Variants in PTPRJ observed in about 807,000 individuals in gnomAD.
PTPRJ encodes receptor-type tyrosine-protein phosphatase eta.
PTPRJ carries 129 observed loss-of-function variants against 141.3 expected under a neutral mutation model. The observed-to-expected ratio is 0.91, with a 90% confidence interval of 0.79 to 1.06. The LOEUF is 1.06. PTPRJ is among the 50% of genes least tolerant of loss of function. The probability of loss-of-function intolerance (pLI) is 0.00; values close to 1 mark genes in which losing one functional copy is unlikely to be tolerated. For missense variants in PTPRJ, 1,601 were observed against 1,679.7 expected (o/e 0.95, Z 0.82); for synonymous variants, 610 against 640.5 (o/e 0.95, Z 0.72).
chr11:48,109,723 C>T (rs995957094), intron 1 of PTPRJ, among the ~76,000 whole-genome samples: 3 of 145,754 alleles, frequency 2.1e-5, no homozygotes, highest in Non-Finnish European at 3.0e-5. Context: ...TTCAGCTCAT[C>T]GCACAGTGGG....
At chr11:48,156,190 T>A (rs1295130907) in intron 21 of PTPRJ, 71 bp downstream of exon 21, 1 of 1,316,878 alleles carries the variant, frequency 7.6e-7, no homozygotes, top group African/African-American at 1.5e-5. Flanking sequence ...GAAGGGTATC[T>A]TAAAAACCAT....
At chr11:48,165,865 CTT>C (rs145510713) in intron 24 of PTPRJ, among the ~76,000 whole-genome samples, 4 of 147,888 alleles carry the variant, frequency 2.7e-5, no homozygotes, top group Admixed American at 6.7e-5. Flanking sequence ...TTTCTCTCCT[CTT>C]TTTTTTTTTT....
rs869194701 is a variant in PTPRJ, at chr11:47,988,879, G to GTTTTTTT, written c.96+7891_96+7897dup. ...TCTGAAAGGTGAAAAATTGTATCTT[G>GTTTTTTT]TTTTTTTTTTTTTTTTTTTTTTTTT... is the stretch of plus-strand genomic sequence containing the variant. On this transcript the variant is annotated intron_variant, in intron 1 of 24. Transcript: ENST00000418331. Among the ~76,000 whole-genome samples, 211 of 76,338 alleles carry GTTTTTTT rather than the reference G, an allele frequency of 2.8e-3. 31 individuals carry two copies. The highest frequency in any genetic ancestry group is 0.013 in the African/African-American group (188 of 14,626). 50.1% of individuals were successfully genotyped at this position (76,338 alleles called of 152,430 possible). A position where few individuals can be genotyped will look rare whatever the true frequency, so the allele number is the denominator to read the frequency against.
chr11:48,106,233 G>C (rs1856284385), intron 1 of PTPRJ, among the ~76,000 whole-genome samples: 1 of 152,206 alleles, frequency 6.6e-6, no homozygotes, highest in Non-Finnish European at 1.5e-5. Flanking sequence ...AGGGGTTATA[G>C]GTCGAGTCAG....
intron 1 of PTPRJ, among the ~76,000 whole-genome samples, chr11:47,988,255 A>T (rs1854101697): frequency 6.6e-6 from 1 of 152,266 alleles, no homozygotes; most frequent in Non-Finnish European, 1.5e-5. Context: ...AGAGTATGTA[A>T]AAGGGAAGAA....
At chr11:48,063,371 C>G (rs950575440) in intron 1 of PTPRJ, among the ~76,000 whole-genome samples, 1 of 152,226 alleles carries the variant, frequency 6.6e-6, no homozygotes, top group Middle Eastern at 3.4e-3. Flanking sequence ...AGAAAAAACC[C>G]CTAACTTTGG....
rs576320498 is a variant in PTPRJ at position 48,170,587 on chromosome 11, A to T, written c.*3225A>T. ...GTTTTAAGTCCTGGGTTTTCAGACTACTGTGTAGCAGCTGTGTGTTTAACA... is the reference window on the plus strand; with the variant it reads ...GTTTTAAGTCCTGGGTTTTCAGACTTCTGTGTAGCAGCTGTGTGTTTAACA... On this transcript the variant is annotated 3_prime_UTR_variant, in exon 25 of 25. Transcript: ENST00000418331. The T allele has an allele frequency of 6.6e-6, 1 of 152,292 alleles. No individual in the cohort carries two copies. Among genetic ancestry groups the T allele is most frequent in the East Asian group, 1.9e-4 (1 of 5,176 alleles). The allele number at this position is 152,292 out of a possible 1,614,324, so 9.4% of individuals were successfully genotyped here.
intron 1 of PTPRJ, among the ~76,000 whole-genome samples, chr11:48,061,747 T>G (rs1207282430): frequency 6.6e-6 from 1 of 152,060 alleles, no homozygotes; most frequent in Non-Finnish European, 1.5e-5. Context: ...CAGGAGGACT[T>G]ATTATTGGGG....
chr11:48,079,754 C>G (rs1477765613), intron 1 of PTPRJ, among the ~76,000 whole-genome samples: 1 of 152,116 alleles, frequency 6.6e-6, no homozygotes, highest in Non-Finnish European at 1.5e-5. Context: ...CAGGCTTTCC[C>G]CCGCTTGCCT....
chr11:48,046,201 T>C (rs1854390432), intron 1 of PTPRJ: 1 of 152,000 alleles, frequency 6.6e-6, no homozygotes, highest in African/African-American at 2.4e-5. Flanking sequence ...TGTGTACCAC[T>C]ATGTCTGGCT....
rs1367235086 is a variant in PTPRJ, at chr11:47,980,567, C to T, written c.-346C>T. The T allele has an allele frequency of 3.1e-6, 3 of 982,942 alleles. No individual in the cohort carries two copies. Among genetic ancestry groups the T allele is most frequent in the Non-Finnish European group, 3.6e-6 (3 of 828,948 alleles). The allele number at this position is 982,942 out of a possible 1,614,324, so 60.9% of individuals were successfully genotyped here. A position where few individuals can be genotyped will look rare whatever the true frequency, so the allele number is the denominator to read the frequency against. On this transcript the variant is annotated 5_prime_UTR_variant, in exon 1 of 25. Coordinates refer to ENST00000418331, the MANE Select transcript of PTPRJ (RefSeq NM_002843.4). ...CCGCGGCTCCCTGCAGCAGCCCCAG[C>T]CGCATGACGCGCGGAGGAGGCAGCG... is the stretch of plus-strand genomic sequence containing the variant.
rs542889669 is a variant in PTPRJ at position 47,991,975 on chromosome 11, T to C, written c.96+10967T>C. The stretch of plus-strand genomic sequence containing the variant: ...AATTTACAATTCAAAAATTAAATTT[T>C]TTTAATCTTATACTGTAGTTTACAA... On this transcript the variant is annotated intron_variant, in intron 1 of 24. Transcript: ENST00000418331. Among the ~76,000 whole-genome samples the C allele has an allele frequency of 7.9e-5, 12 of 152,312 alleles. No individual in the cohort carries two copies. In the East Asian group the frequency reaches 2.3e-3, roughly 29 times the overall value.
In PTPRJ at chr11:48,130,655, A is replaced by G; in HGVS notation, c.1554A>G (p.Glu518=). ...TCCCTGGAACCAAGTATTGCTTTGAAATAGTTCCAAAAGGACCAAATGGGA... is the reference window on the plus strand; with the variant it reads ...TCCCTGGAACCAAGTATTGCTTTGAGATAGTTCCAAAAGGACCAAATGGGA... ...GLFPGTKYCF[E]IVPKGPNGTE... The change falls in exon 8 of 25, where the codon GAA becomes GAG. Residue 518 remains glutamate, a synonymous_variant. Transcript: ENST00000418331. 1 of 1,614,082 alleles carries G rather than the reference A, an allele frequency of 6.2e-7. No homozygotes were observed. The highest frequency in any genetic ancestry group is 8.5e-7 in the Non-Finnish European group (1 of 1,179,960).
At chr11:48,135,176 T>G (rs987334104) in intron 8 of PTPRJ, among the ~76,000 whole-genome samples, 1 of 147,028 alleles carries the variant, frequency 6.8e-6, no homozygotes, top group African/African-American at 2.5e-5. Context: ...AGGGCTTTTT[T>G]TTTTTTTTTT....
At chr11:48,053,378 A>T (rs1281340675) in intron 1 of PTPRJ, among the ~76,000 whole-genome samples, 21 of 101,120 alleles carry the variant, frequency 2.1e-4, no homozygotes, top group African/African-American at 7.2e-4. Flanking sequence ...AATATATATA[A>T]AATATATATA....
chr11:48,127,085 G>T (rs1856854157), intron 6 of PTPRJ, among the ~76,000 whole-genome samples: 1 of 152,126 alleles, frequency 6.6e-6, no homozygotes, highest in South Asian at 2.1e-4. Flanking sequence ...CCTTTCTCCT[G>T]TGGCCCTTCA....
At chr11:48,095,832 C>T (rs573403068) in intron 1 of PTPRJ, among the ~76,000 whole-genome samples, 1 of 152,298 alleles carries the variant, frequency 6.6e-6, no homozygotes, top group South Asian at 2.1e-4. Flanking sequence ...CCACCCACCT[C>T]GGCCTCTGAA....
At chr11:48,102,725 C>T (rs1486446739) in intron 1 of PTPRJ, among the ~76,000 whole-genome samples, 1 of 151,962 alleles carries the variant, frequency 6.6e-6, no homozygotes, top group Admixed American at 6.6e-5. Context: ...CTTCTATCTC[C>T]CTAATTTTTA....
chr11:48,050,145 C>T (rs967915917), intron 1 of PTPRJ, among the ~76,000 whole-genome samples: 10 of 152,236 alleles, frequency 6.6e-5, no homozygotes, highest in Admixed American at 3.9e-4. Context: ...TTTGAGAATG[C>T]GTGTTTTGTG....
Sources: gnomAD v4.1 joint callset for allele counts (sites outside exome capture counted in the v4.1 genomes callset) on GRCh38, gnomAD v4.1.1 for gene constraint, MANE v1.5 for transcripts, NCBI Gene and HGNC (gene_info 2026-07-23, HGNC 2026-07-21) for gene names.